The following CAB39L variants were observed in gnomAD, a reference collection of about 807,000 sequenced individuals.
CAB39L encodes calcium binding protein 39 like.
In CAB39L, 23 loss-of-function variants were observed where a neutral mutation model predicts 39.1. That is an observed-to-expected ratio of 0.59 (90% CI 0.42 to 0.83). The LOEUF is 0.83. Ranked by LOEUF, CAB39L falls within the 40% of genes least tolerant of loss-of-function variation. CAB39L has a pLI of 0.00. For synonymous variants in CAB39L, 126 were observed against 137.2 expected (o/e 0.92, Z 0.57); for missense variants, 366 against 391.9 (o/e 0.93, Z 0.56).
Position 49,331,963 on chromosome 13 carries a change from G to A in CAB39L, c.818C>T (p.Ala273Val), listed in dbSNP as rs1232475611. The A allele has an allele frequency of 6.2e-7, 1 of 1,614,068 alleles. No individual in the cohort carries two copies. Among genetic ancestry groups the A allele is most frequent in the Middle Eastern group, 1.7e-4 (1 of 6,060 alleles). Reference protein sequence around the residue: ...RDKSPNIQFEAFHVFKVFVAS... With the variant: ...RDKSPNIQFEVFHVFKVFVAS... ...ACTTTTTACCTTAAAAACATGAAAG[G>A]CTTCAAACTGGATGTTGGGACTTTT... The change falls in exon 10 of 11, where the codon GCC (alanine) becomes GTC (valine). Residue 273 changes from alanine to valine, a missense_variant. Coordinates refer to ENST00000409308, the MANE Select transcript of CAB39L (RefSeq NM_001079670.3).
rs564337793 is a variant in CAB39L at position 49,364,654 on chromosome 13, C to A, written c.277-4822G>T. Among the ~76,000 whole-genome samples the A allele has an allele frequency of 2.2e-3, 338 of 151,978 alleles. 2 individuals carry two copies. Among genetic ancestry groups the A allele is most frequent in the African/African-American group, 7.8e-3 (322 of 41,456 alleles). ...AGCATTTCTATATGCTAACAGTGAA[C>A]AATCTGAAGAAGAAATCAAAAAAGA... On this transcript the variant is annotated intron_variant, in intron 5 of 10. Coordinates refer to ENST00000409308, the MANE Select transcript of CAB39L (RefSeq NM_001079670.3).
intron 7 of CAB39L, among the ~76,000 whole-genome samples, chr13:49,347,286 T>C (rs986933194): frequency 1.3e-5 from 2 of 152,218 alleles, no homozygotes; most frequent in African/African-American, 4.8e-5. Context: ...CCATTTATTT[T>C]TGTCATTCAA....
chr13:49,408,715 C>T (rs2138678001), intron 3 of CAB39L, among the ~76,000 whole-genome samples: 1 of 152,076 alleles, frequency 6.6e-6, no homozygotes, highest in African/African-American at 2.4e-5. Flanking sequence ...CTTGTGGTCC[C>T]AGCTACTCGA....
At chr13:49,344,130 G>C (rs943512855) in intron 8 of CAB39L, 49 bp downstream of exon 8, 1 of 1,091,096 alleles carries the variant, frequency 9.2e-7, no homozygotes, top group Non-Finnish European at 1.4e-6. Context: ...AGATCTAAAA[G>C]GGAGGGAGAG....
intron 5 of CAB39L, among the ~76,000 whole-genome samples, chr13:49,372,100 G>A (rs1411199801): frequency 2.0e-5 from 3 of 151,986 alleles, no homozygotes; most frequent in African/African-American, 4.8e-5. Context: ...CTCTTATCAC[G>A]TTGTGTTTCA....
intron 10 of CAB39L, among the ~76,000 whole-genome samples, chr13:49,314,261 G>A (rs748873869): frequency 2.0e-5 from 3 of 152,128 alleles, no homozygotes; most frequent in Non-Finnish European, 4.4e-5. Context: ...CATGTTAGCA[G>A]TGTGTCCACC....
chr13:49,374,453 C>G (rs1956004289), intron 5 of CAB39L, among the ~76,000 whole-genome samples: 1 of 151,960 alleles, frequency 6.6e-6, no homozygotes, highest in Admixed American at 6.6e-5. Context: ...TCCAAGGATT[C>G]CAGAGAATAA....
At chr13:49,330,119 G>T (rs1040533178) in intron 10 of CAB39L, among the ~76,000 whole-genome samples, 1 of 152,108 alleles carries the variant, frequency 6.6e-6, no homozygotes, top group Admixed American at 6.5e-5. Context: ...CCTGGACTGG[G>T]ACCCAAGACA....
intron 6 of CAB39L, chr13:49,351,238 C>T (rs767094974): frequency 1.1e-4 from 19 of 180,250 alleles, no homozygotes; most frequent in Non-Finnish European, 1.5e-4. Flanking sequence ...CAATAAAATA[C>T]GCCACATTAT....
chr13:49,372,929 T>C (rs898225417), intron 5 of CAB39L, among the ~76,000 whole-genome samples: 3 of 152,182 alleles, frequency 2.0e-5, no homozygotes, highest in Non-Finnish European at 4.4e-5. Context: ...CGCCTCGGCC[T>C]CCCAAAGTGC....
intron 5 of CAB39L, among the ~76,000 whole-genome samples, chr13:49,374,665 A>G (rs139237376): frequency 4.6e-5 from 7 of 152,336 alleles, no homozygotes; most frequent in African/African-American, 1.7e-4. Context: ...AAGGCACCCA[A>G]AGTTTTTCTT....
At chr13:49,331,325 G>A (rs918299748) in intron 10 of CAB39L, among the ~76,000 whole-genome samples, 1 of 151,998 alleles carries the variant, frequency 6.6e-6, no homozygotes, top group African/African-American at 2.4e-5. Context: ...AATTAGCCAG[G>A]AGTGGTGGCA....
At chr13:49,378,293 G>A (rs1220582257) in intron 4 of CAB39L, among the ~76,000 whole-genome samples, 1 of 81,930 alleles carries the variant, frequency 1.2e-5, no homozygotes, top group Non-Finnish European at 2.4e-5. Context: ...CCGGCCAGCC[G>A]CCCCATCTGG....
chr13:49,384,084 C>T (rs948349585), intron 3 of CAB39L, among the ~76,000 whole-genome samples: 10 of 152,224 alleles, frequency 6.6e-5, no homozygotes, highest in Non-Finnish European at 1.3e-4. Context: ...AGTTTGTTAG[C>T]ATTTTACTCA....
intron 10 of CAB39L, among the ~76,000 whole-genome samples, chr13:49,327,746 C>T (rs756691803): frequency 6.6e-6 from 1 of 152,174 alleles, no homozygotes; most frequent in African/African-American, 2.4e-5. Context: ...TTAGGCAAAG[C>T]GATCCACATA....
intron 5 of CAB39L, among the ~76,000 whole-genome samples, chr13:49,376,526 A>G (rs1373661268): frequency 6.6e-6 from 1 of 152,230 alleles, no homozygotes; most frequent in Non-Finnish European, 1.5e-5. Flanking sequence ...ATGTTCATTA[A>G]AAGAACTGTC....
intron 6 of CAB39L, among the ~76,000 whole-genome samples, chr13:49,356,938 A>G (rs946125450): frequency 2.0e-5 from 3 of 151,824 alleles, no homozygotes; most frequent in African/African-American, 7.3e-5. Flanking sequence ...AGTCCCAGCT[A>G]CTCAGGAGGC....
At position 49,392,568 on chromosome 13, in the gene CAB39L, G is replaced by A. The variant is rs1956512930; in HGVS notation, c.-31-9627C>T. ...AGGCAGGAGAATCACTGGAATCCGG[G>A]AGGCAGAGGTTGCAGTGAGCCGAGA... On this transcript the variant is annotated intron_variant, in intron 3 of 10. Coordinates refer to ENST00000409308, the MANE Select transcript of CAB39L (RefSeq NM_001079670.3). Among the ~76,000 whole-genome samples, 3 of 152,116 alleles carry A rather than the reference G, an allele frequency of 2.0e-5. No individual in the cohort carries two copies. The South Asian group carries it at 6.2e-4, about 31-fold the overall frequency.
At chr13:49,413,724 C>T (rs1194545765) in intron 3 of CAB39L, 3 of 152,120 alleles carry the variant, frequency 2.0e-5, no homozygotes, top group African/African-American at 7.2e-5. Flanking sequence ...CAATACTCAC[C>T]CTTTTAACTG....
Sources: allele counts gnomAD v4.1 joint callset (sites outside exome capture counted in the v4.1 genomes callset), GRCh38; gene constraint gnomAD v4.1.1; transcripts MANE v1.5; gene names NCBI Gene and HGNC (gene_info 2026-07-23, HGNC 2026-07-21).